The following CC2D2B variants were observed in gnomAD, a reference collection of about 807,000 sequenced individuals.
CC2D2B encodes the protein protein CC2D2B.
A neutral mutation model predicts 161.2 loss-of-function variants in CC2D2B; 128 were observed. The observed-to-expected ratio is 0.79, with a 90% CI of 0.69 to 0.92. The LOEUF (loss-of-function observed/expected upper bound fraction) is 0.92, where lower values mean the gene tolerates loss of function less well. CC2D2B is among the 40% of genes least tolerant of loss of function. The probability of loss-of-function intolerance (pLI) is 0.00; values close to 1 mark genes in which losing one functional copy is unlikely to be tolerated. For synonymous variants in CC2D2B, 391 were observed against 449.8 expected, an observed-to-expected ratio of 0.87 and a Z score of 1.65; for missense variants, 1,173 against 1,375.1, an observed-to-expected ratio of 0.85 and a Z score of 2.32.
chr10:95,993,938 G>GTGTA (rs2078099357), intron 22 of CC2D2B, among the ~76,000 whole-genome samples: 5 of 38,308 alleles, frequency 1.3e-4, no homozygotes, highest in Non-Finnish European at 1.7e-4. Flanking sequence ...GTGTGTGTGT[G>GTGTA]TGTGTATGTA....
At chr10:96,028,530 T>C (rs1041857075) in intron 34 of CC2D2B, among the ~76,000 whole-genome samples, 1 of 152,202 alleles carries the variant, frequency 6.6e-6, no homozygotes, top group African/African-American at 2.4e-5. Flanking sequence ...TTAGTGGGAA[T>C]GTAAATTAGT....
At chr10:95,961,088 T>G (rs1455357712) in intron 11 of CC2D2B, among the ~76,000 whole-genome samples, 1 of 152,206 alleles carries the variant, frequency 6.6e-6, no homozygotes, top group South Asian at 2.1e-4. Flanking sequence ...TCTTCTTTTT[T>G]GTAAATAGTG....
At chr10:95,944,076 AC>A (rs1231607136) in intron 9 of CC2D2B, among the ~76,000 whole-genome samples, 1 of 152,180 alleles carries the variant, frequency 6.6e-6, no homozygotes, top group Non-Finnish European at 1.5e-5. Flanking sequence ...TATTGCTAAC[AC>A]CTACCCAAAT....
chr10:96,025,211 A>ATATG (rs1564684647), intron 33 of CC2D2B, among the ~76,000 whole-genome samples: 8 of 130,166 alleles, frequency 6.1e-5, no homozygotes, highest in African/African-American at 2.1e-4. Flanking sequence ...ATATATATAT[A>ATATG]TATATATATA....
intron 11 of CC2D2B, among the ~76,000 whole-genome samples, chr10:95,957,903 G>A (rs1386841517): frequency 6.6e-6 from 1 of 150,516 alleles, no homozygotes; most frequent in African/African-American, 2.4e-5. Context: ...AAAACAGAAA[G>A]CCCTGGGAAA....
chr10:95,932,348 A>T (rs11528102), intron 6 of CC2D2B, among the ~76,000 whole-genome samples: 1 of 152,022 alleles, frequency 6.6e-6, no homozygotes, highest in Non-Finnish European at 1.5e-5. Context: ...GCCAGTCTGT[A>T]TCTTTTAACT....
chr10:95,958,932 A>G (rs1026823477), intron 11 of CC2D2B, among the ~76,000 whole-genome samples: 5 of 152,162 alleles, frequency 3.3e-5, no homozygotes, highest in African/African-American at 1.2e-4. Context: ...GTTGGATAAA[A>G]ATTGATAAAC....
chr10:96,032,073 G>A lies in CC2D2B; in HGVS notation c.*65G>A. The A allele has an allele frequency of 7.9e-7, 1 of 1,265,234 alleles. No homozygotes were observed. The highest frequency in any genetic ancestry group is 1.1e-6 in the Non-Finnish European group (1 of 911,490). 78.4% of individuals were successfully genotyped at this position (1,265,234 alleles called of 1,614,324 possible). ...TCTAGTACCAACAAAAACTTTTCTG[G>A]TACCTTGAGATTTTGCTGTTTATTC... is the stretch of plus-strand genomic sequence containing the variant. On this transcript the variant is annotated 3_prime_UTR_variant, in exon 35 of 35. Coordinates refer to ENST00000646931, the MANE Select transcript of CC2D2B (RefSeq NM_001349008.3).
intron 18 of CC2D2B, among the ~76,000 whole-genome samples, chr10:95,982,325 C>A (rs117125083): frequency 0.035 from 5,298 of 152,250 alleles, 134 homozygotes; most frequent in Middle Eastern, 0.075. Flanking sequence ...CTCCTTTAGG[C>A]CTGATGGATG....
At chr10:96,000,071 C>T (rs1176427698) in intron 24 of CC2D2B, 3 of 1,481,962 alleles carry the variant, frequency 2.0e-6, no homozygotes, top group Admixed American at 3.6e-5. Context: ...TCCAGTTTTG[C>T]CGTGGTAACA....
intron 3 of CC2D2B, among the ~76,000 whole-genome samples, chr10:95,923,372 C>G (rs2098531759): frequency 2.0e-5 from 3 of 152,230 alleles, no homozygotes; most frequent in Admixed American, 1.3e-4. Flanking sequence ...AGGCATAAGC[C>G]TCCTTTATAC....
rs757209197 is a variant in CC2D2B, at chr10:96,019,822, C to T, written c.3886C>T (p.Gln1296Ter). 14 of 1,600,156 alleles carry T rather than the reference C, an allele frequency of 8.7e-6. No homozygotes were observed. Among genetic ancestry groups the T allele is most frequent in the Non-Finnish European group, 1.0e-5 (12 of 1,176,274 alleles). ...NVQGTKIQSI[Q>*]PEEIIYFETD... ...TCAAGGAACAAAAATACAAAGCATACAGGTAAATCATATTTTCCCAGGGGT... is the reference window on the plus strand; with the variant it reads ...TCAAGGAACAAAAATACAAAGCATATAGGTAAATCATATTTTCCCAGGGGT... The change falls in exon 32 of 35, where the codon CAG becomes TAG. Residue 1296 changes from glutamine (Q) to a stop codon, truncating the protein, a stop_gained and splice_region_variant. Transcript: ENST00000646931. LOFTEE classifies it high-confidence loss of function.
chr10:95,937,952 C>A, intron 6 of CC2D2B, 39 bp from the exon 7 acceptor site: 1 of 1,192,076 alleles, frequency 8.4e-7, no homozygotes. Context: ...TCATTGGAGA[C>A]AAGCATGTAA....
chr10:95,908,995 ATCTT>A (rs1192314769), intron 1 of CC2D2B, among the ~76,000 whole-genome samples: 1 of 152,092 alleles, frequency 6.6e-6, no homozygotes, highest in African/African-American at 2.4e-5. Context: ...GTGGGCCCAA[ATCTT>A]TCTTGATCTA....
At chr10:95,969,104 A>T (rs1438505286) in intron 15 of CC2D2B, among the ~76,000 whole-genome samples, 3 of 151,678 alleles carry the variant, frequency 2.0e-5, no homozygotes, top group Non-Finnish European at 4.4e-5. Flanking sequence ...TTTGATTTGT[A>T]GTGTTCCAAA....
intron 29 of CC2D2B, among the ~76,000 whole-genome samples, chr10:96,015,852 G>A (rs1044705974): frequency 3.3e-5 from 5 of 152,116 alleles, no homozygotes; most frequent in Non-Finnish European, 5.9e-5. Context: ...ATCAGATAAG[G>A]TTCCTCGAAA....
In CC2D2B at chr10:95,966,263, C is replaced by A; in HGVS notation, c.1427C>A (p.Ser476Tyr). 8 of 1,224,064 alleles carry A rather than the reference C, an allele frequency of 6.5e-6. No individual in the cohort carries two copies. The highest frequency in any genetic ancestry group is 8.2e-6 in the Non-Finnish European group (8 of 980,918). The allele number at this position is 1,224,064 out of a possible 1,614,324, so 75.8% of individuals were successfully genotyped here. A position where few individuals can be genotyped will look rare whatever the true frequency, so the allele number is the denominator to read the frequency against. The change falls in exon 14 of 35, where the codon TCT becomes TAT. Residue 476 changes from serine (S) to tyrosine (Y), a missense_variant. Physicochemically the swap from Ser to Tyr is moderately radical, Grantham distance 144. Transcript: ENST00000646931. ...IKPITLRPQL[S>Y]FTAELTSLSK... is the part of the protein sequence containing the mutation. ...CCAATTACCTTGAGGCCACAACTTT[C>A]TTTCACTGCAGAATTAACAAGCTTA...
Position 95,996,360 on chromosome 10 carries a change from T to C in CC2D2B, c.2849+108T>C, listed in dbSNP as rs2078230181. The C allele has an allele frequency of 7.0e-6, 4 of 568,116 alleles. No homozygotes were observed. The South Asian group carries it at 7.5e-5, about 11-fold the overall frequency. 35.2% of individuals were successfully genotyped at this position (568,116 alleles called of 1,614,324 possible). A position where few individuals can be genotyped will look rare whatever the true frequency, so the allele number is the denominator to read the frequency against. Reference sequence around the variant, plus strand: ...TTATTGAAATAGGCTTTATTTAAGCTTTTAAATTTTGAAATATTTCATGCA... The same window carrying C: ...TTATTGAAATAGGCTTTATTTAAGCCTTTAAATTTTGAAATATTTCATGCA... On this transcript the variant is annotated intron_variant, in intron 24 of 34. Transcript: ENST00000646931.
intron 10 of CC2D2B, among the ~76,000 whole-genome samples, chr10:95,954,267 G>C (rs1306388072): frequency 6.6e-6 from 1 of 152,002 alleles, no homozygotes; most frequent in Non-Finnish European, 1.5e-5. Context: ...ATTATTTCTA[G>C]CCTTTTCTAT....
Sources: allele counts gnomAD v4.1 joint callset (sites outside exome capture counted in the v4.1 genomes callset), GRCh38; gene constraint gnomAD v4.1.1; transcripts MANE v1.5; gene names NCBI Gene and HGNC (gene_info 2026-07-23, HGNC 2026-07-21).